The following MYRIP variants were observed in gnomAD, a reference collection of about 807,000 sequenced individuals.
MYRIP encodes the protein myosin VIIA and Rab interacting protein.
A neutral mutation model predicts 98.0 loss-of-function variants in MYRIP; 49 were observed. The observed-to-expected ratio is 0.50, with a 90% CI of 0.40 to 0.63. MYRIP has a LOEUF of 0.63. Ranked by LOEUF, MYRIP falls within the 30% of genes least tolerant of loss-of-function variation. The pLI is 0.00. For synonymous variants in MYRIP, 404 were observed against 409.5 expected (o/e 0.99, Z 0.16); for missense variants, 1,004 against 1,058.2 (o/e 0.95, Z 0.71).
chr3:39,990,494 C>T (rs1946147825), intron 2 of MYRIP, among the ~76,000 whole-genome samples: 1 of 152,154 alleles, frequency 6.6e-6, no homozygotes, highest in African/African-American at 2.4e-5. Flanking sequence ...TAGCTCACTG[C>T]TCATAGAATT....
chr3:40,192,910 T>C (rs907402348), intron 10 of MYRIP, among the ~76,000 whole-genome samples: 10 of 152,138 alleles, frequency 6.6e-5, no homozygotes, highest in African/African-American at 2.2e-4. Flanking sequence ...GTAACCTGTA[T>C]AGAAAATGCA....
chr3:40,047,190 A>T (rs1165126048), intron 3 of MYRIP, among the ~76,000 whole-genome samples: 1 of 152,260 alleles, frequency 6.6e-6, no homozygotes, highest in Admixed American at 6.5e-5. Context: ...TGGAAAAATA[A>T]GTTGTAAAAA....
At chr3:39,917,485 A>G (rs1944191120) in intron 2 of MYRIP, among the ~76,000 whole-genome samples, 1 of 150,410 alleles carries the variant, frequency 6.6e-6, no homozygotes, top group Admixed American at 6.7e-5. Flanking sequence ...AAAAAAAAAA[A>G]GCTGTTGAAA....
intron 2 of MYRIP, among the ~76,000 whole-genome samples, chr3:39,946,009 C>CA (rs5848543): frequency 0.51 from 75,891 of 149,298 alleles, 20,006 homozygotes; most frequent in African/African-American, 0.67. Context: ...AGGTAATGGC[C>CA]AAAAAAAAAG....
chr3:39,999,641 A>G (rs535357604), intron 2 of MYRIP, among the ~76,000 whole-genome samples: 2,337 of 152,298 alleles, frequency 0.015, 51 homozygotes, highest in African/African-American at 0.052. Context: ...ATCTAGAACT[A>G]GAAATACCAT....
chr3:40,147,216 G>A (rs564913301), intron 3 of MYRIP, among the ~76,000 whole-genome samples: 4 of 151,898 alleles, frequency 2.6e-5, no homozygotes, highest in South Asian at 2.1e-4. Context: ...ATATGCTGGC[G>A]ACCTCTATGA....
At chr3:39,903,073 T>C (rs1036912859) in intron 2 of MYRIP, among the ~76,000 whole-genome samples, 4 of 152,214 alleles carry the variant, frequency 2.6e-5, no homozygotes, top group Non-Finnish European at 5.9e-5. Flanking sequence ...AAGACAGTTG[T>C]TACTATTGTC....
chr3:40,226,480 T>C (rs1199121626), intron 11 of MYRIP, among the ~76,000 whole-genome samples: 1 of 152,198 alleles, frequency 6.6e-6, no homozygotes, highest in Non-Finnish European at 1.5e-5. Context: ...GCAGTTACTC[T>C]TTCCTACACT....
rs552913295 is a variant in MYRIP at position 39,932,232 on chromosome 3, G to A, written c.110+31306G>A. Among the ~76,000 whole-genome samples the A allele has an allele frequency of 1.4e-3, 206 of 152,314 alleles. 4 individuals carry two copies. The South Asian group carries it at 0.042, about 31-fold the overall frequency. On this transcript the variant is annotated intron_variant, in intron 2 of 16. Transcript: ENST00000302541. ...CTCTTGTCTTACCTGGTGATGGAAA[G>A]AGCAGTAGGATCCTGTATAAGGAGG...
intron 10 of MYRIP, 51 bp downstream of exon 10, chr3:40,190,514 T>C (rs1427624365): frequency 6.6e-7 from 1 of 1,520,856 alleles, no homozygotes. Flanking sequence ...AGGTAGGATG[T>C]GCCCTACTCC....
chr3:39,917,357 G>A (rs1281804406), intron 2 of MYRIP, among the ~76,000 whole-genome samples: 2 of 148,742 alleles, frequency 1.3e-5, no homozygotes, highest in African/African-American at 2.5e-5. Flanking sequence ...TTCTGGAAAT[G>A]AGCCTTCATA....
intron 1 of MYRIP, among the ~76,000 whole-genome samples, chr3:39,895,483 G>A (rs758340588): frequency 3.9e-5 from 6 of 151,952 alleles, no homozygotes; most frequent in South Asian, 2.1e-4. Flanking sequence ...CACTGTGCCC[G>A]GCCAATTGTT....
intron 2 of MYRIP, among the ~76,000 whole-genome samples, chr3:39,929,204 C>A (rs1944487640): frequency 6.6e-6 from 1 of 151,902 alleles, no homozygotes; most frequent in South Asian, 2.1e-4. Context: ...TCTAGCAAAA[C>A]AGATACCAGA....
intron 7 of MYRIP, among the ~76,000 whole-genome samples, chr3:40,168,864 GAGTC>G (rs1950553545): frequency 6.6e-6 from 1 of 152,242 alleles, no homozygotes. Context: ...AGGGTCTGCA[GAGTC>G]ACACTAGAAA....
At chr3:40,158,449 G>T (rs1316134206) in intron 4 of MYRIP, among the ~76,000 whole-genome samples, 2 of 152,010 alleles carry the variant, frequency 1.3e-5, no homozygotes, top group Non-Finnish European at 2.9e-5. Flanking sequence ...GTGTGGTGTG[G>T]TGCTGAAAAA....
chr3:40,133,758 T>G (rs1305450790), intron 3 of MYRIP, among the ~76,000 whole-genome samples: 1 of 152,098 alleles, frequency 6.6e-6, no homozygotes, highest in Non-Finnish European at 1.5e-5. Context: ...AATGTATGTT[T>G]TGAATTTTGT....
At chr3:39,872,430 G>A (rs190561196) in intron 1 of MYRIP, among the ~76,000 whole-genome samples, 43 of 151,796 alleles carry the variant, frequency 2.8e-4, no homozygotes, top group Admixed American at 2.8e-3. Context: ...TTGGTATGCT[G>A]CACCCATTAA....
intron 3 of MYRIP, among the ~76,000 whole-genome samples, chr3:40,143,395 C>G (rs1949949042): frequency 6.6e-6 from 1 of 152,160 alleles, no homozygotes; most frequent in Non-Finnish European, 1.5e-5. Context: ...GCCAGTCCAC[C>G]CGGGGTGCTG....
chr3:40,233,326 C>T (rs1391119975), intron 11 of MYRIP, among the ~76,000 whole-genome samples: 3 of 152,130 alleles, frequency 2.0e-5, no homozygotes, highest in Non-Finnish European at 4.4e-5. Flanking sequence ...TATCAAGAAA[C>T]CACAGAGAAA....
Sources: gnomAD v4.1 joint callset for allele counts (sites outside exome capture counted in the v4.1 genomes callset) on GRCh38, gnomAD v4.1.1 for gene constraint, MANE v1.5 for transcripts, NCBI Gene and HGNC (gene_info 2026-07-23, HGNC 2026-07-21) for gene names.